ZNF677: variants seen among roughly 807,000 people sequenced by gnomAD.
ZNF677 encodes the protein hypothetical protein MGC48625.
A neutral mutation model predicts 8.1 loss-of-function variants in ZNF677; 5 were observed. The ratio of observed to expected loss-of-function variants is 0.62; its 90% CI spans 0.32 to 1.29. ZNF677 has a LOEUF of 1.29. ZNF677 is among the 50% of genes most tolerant of loss of function. The pLI is 0.05. For synonymous variants in ZNF677, 221 were observed against 225.6 expected (o/e 0.98, Z 0.18); for missense variants, 685 against 685.9 (o/e 1.00, Z 0.01).
chr19:53,241,096 TTA>T (rs772778786), intron 4 of ZNF677: 6 of 151,634 alleles, frequency 4.0e-5, no homozygotes, highest in Non-Finnish European at 7.4e-5. Context: ...GTTTTGGAGG[TTA>T]TATATGTTTT....
rs2090965191 is a variant in ZNF677, at chr19:53,235,428, A to G, written c.*1544T>C. The stretch of plus-strand genomic sequence containing the variant: ...ATATTTTACTAATTAAGACATAAGA[A>G]GTATAATATATTCTAAATAAAATGG... On this transcript the variant is annotated 3_prime_UTR_variant, in exon 5 of 5. Coordinates refer to ENST00000598513, the MANE Select transcript of ZNF677 (RefSeq NM_182609.4). 6.6e-6 allele frequency: 1 copy of G among 152,212 alleles called. No homozygotes were observed. Among genetic ancestry groups the G allele is most frequent in the African/African-American group, 2.4e-5 (1 of 41,454 alleles). The allele number at this position is 152,212 out of a possible 1,614,324, so 9.4% of individuals were successfully genotyped here. A position where few individuals can be genotyped will look rare whatever the true frequency, so the allele number is the denominator to read the frequency against.
chr19:53,243,804 T>C lies in ZNF677; in HGVS notation c.109A>G (p.Met37Val). 6.2e-7 allele frequency: 1 copy of C among 1,614,158 alleles called. No individual in the cohort carries two copies. The highest frequency in any genetic ancestry group is 8.5e-7 in the Non-Finnish European group (1 of 1,180,022). ...AGCAGGTTCCTGTAGTTCTCCAACA[T>C]CACGTCCCTGTACAAGGCCCTCTGG... ...PAQRALYRDV[M>V]LENYRNLLSL... Residue 37 changes from methionine to valine, a missense_variant, in exon 4 of 5, where the codon ATG (methionine) becomes GTG (valine). Transcript: ENST00000598513.
intron 4 of ZNF677, chr19:53,241,934 C>CT (rs57694600): frequency 0.031 from 10,680 of 341,022 alleles, no homozygotes; most frequent in Middle Eastern, 0.057. Flanking sequence ...TTTTCTTTTT[C>CT]TTTTTTTTTT....
At chr19:53,243,718 A>G in intron 4 of ZNF677, 26 bp downstream of exon 4, 1 of 1,613,980 alleles carries the variant, frequency 6.2e-7, no homozygotes, top group Non-Finnish European at 8.5e-7. Context: ...ACAAGGAAAA[A>G]TGTAAAGATG....
intron 1 of ZNF677, among the ~76,000 whole-genome samples, chr19:53,253,418 G>A (rs2965243): frequency 0.41 from 61,977 of 152,094 alleles, 13,463 homozygotes; most frequent in East Asian, 0.77. Flanking sequence ...TAGGCCAGGC[G>A]CGGTGGCTCA....
At chr19:53,247,527 G>A (rs2091165369) in intron 3 of ZNF677, among the ~76,000 whole-genome samples, 2 of 152,154 alleles carry the variant, frequency 1.3e-5, no homozygotes, top group African/African-American at 2.4e-5. Context: ...TGTTGCTCAA[G>A]CCCTTTATTT....
chr19:53,247,088 T>C (rs2091155790), intron 3 of ZNF677, among the ~76,000 whole-genome samples: 2 of 152,202 alleles, frequency 1.3e-5, no homozygotes, highest in Non-Finnish European at 2.9e-5. Flanking sequence ...TTTCCTTTTA[T>C]TGATTTCCAG....
At chr19:53,254,069 A>G (rs2091277026) in intron 1 of ZNF677, among the ~76,000 whole-genome samples, 1 of 152,220 alleles carries the variant, frequency 6.6e-6, no homozygotes. Context: ...CTCACACCGT[A>G]GTTTTGCAAT....
chr19:53,236,883 T>G lies in ZNF677; in HGVS notation c.*89A>C. On this transcript the variant is annotated 3_prime_UTR_variant, in exon 5 of 5. Coordinates refer to ENST00000598513, the MANE Select transcript of ZNF677 (RefSeq NM_182609.4). Reference sequence around the variant, plus strand: ...TGTGGTTTATCTCAAAGATGTATATTCTGGTATCAAGTGAGACATAAGCCA... The same window carrying G: ...TGTGGTTTATCTCAAAGATGTATATGCTGGTATCAAGTGAGACATAAGCCA... 1 of 1,201,790 alleles carries G rather than the reference T, an allele frequency of 8.3e-7. No individual in the cohort carries two copies. The highest frequency in any genetic ancestry group is 1.5e-5 in the African/African-American group (1 of 65,608). The allele number at this position is 1,201,790 out of a possible 1,614,324, so 74.4% of individuals were successfully genotyped here.
Position 53,250,108 on chromosome 19 carries a change from G to A in ZNF677, c.15+1428C>T, listed in dbSNP as rs560803072. On this transcript the variant is annotated intron_variant, in intron 3 of 4. Transcript: ENST00000598513. The stretch of plus-strand genomic sequence containing the variant: ...GCTGGTCTCGAACTCCTGACCTCAG[G>A]TGATCCACCCGTCTCAGCCTCCCAA... Among the ~76,000 whole-genome samples, 39 of 152,174 alleles carry A rather than the reference G, an allele frequency of 2.6e-4. 1 individual carries two copies. The South Asian group carries it at 5.8e-3, about 23-fold the overall frequency.
chr19:53,251,930 G>A lies in ZNF677; in HGVS notation c.-55-325C>T, dbSNP rs148964887. Among the ~76,000 whole-genome samples the A allele has an allele frequency of 2.3e-3, 355 of 152,290 alleles. 1 individual carries two copies. The highest frequency in any genetic ancestry group is 8.1e-3 in the African/African-American group (336 of 41,568). On this transcript the variant is annotated intron_variant, in intron 2 of 4. Transcript: ENST00000598513. ...CAGTATCCAATGACTGTCAGTCAAT[G>A]CAGGATATAAAAGCCTAAAATTGGA...
chr19:53,254,095 CACAA>C (rs1278573297), intron 1 of ZNF677, among the ~76,000 whole-genome samples: 2 of 152,200 alleles, frequency 1.3e-5, no homozygotes, highest in African/African-American at 4.8e-5. Context: ...TGCTCTTCTG[CACAA>C]ACAATGAAGC....
In ZNF677 at chr19:53,237,510, T is replaced by G; in HGVS notation, c.1217A>C (p.Asn406Thr). Residue 406 changes from asparagine to threonine, a missense_variant, in exon 5 of 5, where the codon AAT becomes ACT. Transcript: ENST00000598513. ...CTGCTTAAAAGCTTTGCCACACTCA[T>G]TACATATGTAAGGCTTCTCTCCAGT... ...IHTGEKPYICNECGKAFKQCS... is the reference protein window; with the variant it reads ...IHTGEKPYICTECGKAFKQCS... The G allele has an allele frequency of 6.2e-7, 1 of 1,613,330 alleles. No homozygotes were observed. Among genetic ancestry groups the G allele is most frequent in the Non-Finnish European group, 8.5e-7 (1 of 1,179,796 alleles).
Position 53,238,467 on chromosome 19 carries a change from TC to T in ZNF677, c.259del (p.Glu87LysfsTer28). The T allele has an allele frequency of 1.2e-6, 2 of 1,613,286 alleles. No homozygotes were observed. On this transcript the variant is annotated frameshift_variant, in exon 5 of 5. Coordinates refer to ENST00000598513, the MANE Select transcript of ZNF677 (RefSeq NM_182609.4). LOFTEE classifies it low-confidence loss of function (END_TRUNC). ...GTCAAAATTGTTGATGCCATGGCTT[TC>T]CTTTCTTTCTAATATCACCAGATGG... is the stretch of plus-strand genomic sequence containing the variant. ...LYHLVILERK[E>X]SHGINNFDLK...
chr19:53,254,133 C>T (rs2091278145), intron 1 of ZNF677, among the ~76,000 whole-genome samples: 1 of 152,210 alleles, frequency 6.6e-6, no homozygotes, highest in Non-Finnish European at 1.5e-5. Context: ...ATTATAGAGC[C>T]ATACATCAGT....
At chr19:53,242,893 T>C (rs2091076577) in intron 4 of ZNF677, 1 of 152,684 alleles carries the variant, frequency 6.5e-6, no homozygotes, top group Non-Finnish European at 1.5e-5. Context: ...AACAGTATTG[T>C]AGGTCATGAT....
At chr19:53,254,601 A>G (rs1474536089) in intron 1 of ZNF677, 1 of 152,210 alleles carries the variant, frequency 6.6e-6, no homozygotes, top group Non-Finnish European at 1.5e-5. Flanking sequence ...ACACTGACCT[A>G]AAGCAAAAAG....
chr19:53,242,260 G>C (rs968879983), intron 4 of ZNF677: 1 of 398,414 alleles, frequency 2.5e-6, no homozygotes, highest in African/African-American at 2.1e-5. Flanking sequence ...GCAACTTTCA[G>C]AGGCAAATCT....
At chr19:53,243,499 A>G (rs1396343264) in intron 4 of ZNF677, 2 of 537,234 alleles carry the variant, frequency 3.7e-6, no homozygotes, top group Non-Finnish European at 6.5e-6. Flanking sequence ...ACACTTTAAA[A>G]CGTTTTCCAT....
Sources: gnomAD v4.1 joint callset for allele counts (sites outside exome capture counted in the v4.1 genomes callset) on GRCh38, gnomAD v4.1.1 for gene constraint, MANE v1.5 for transcripts, NCBI Gene and HGNC (gene_info 2026-07-23, HGNC 2026-07-21) for gene names.